The following BRD7 variants were observed in gnomAD, a reference collection of about 807,000 sequenced individuals.
BRD7 encodes the protein bromodomain containing 7.
In BRD7, 15 loss-of-function variants were observed where a neutral mutation model predicts 82.1. That is an observed-to-expected ratio of 0.18 (90% CI 0.12 to 0.28). The LOEUF (loss-of-function observed/expected upper bound fraction) is 0.28, where lower values mean the gene tolerates loss of function less well. BRD7 is among the 10% of genes least tolerant of loss of function. BRD7 has a pLI of 1.00. For synonymous variants in BRD7, 232 were observed against 266.9 expected, an observed-to-expected ratio of 0.87 and a Z score of 1.27; for missense variants, 638 against 779.9, an observed-to-expected ratio of 0.82 and a Z score of 2.17.
intron 1 of BRD7, 110 bp from the exon 2 acceptor site, chr16:50,368,408 G>C (rs573446862): frequency 8.3e-7 from 1 of 1,206,562 alleles, no homozygotes; most frequent in Non-Finnish European, 1.1e-6. Context: ...AGGCGGCTTT[G>C]GGCGCTCCGC....
In BRD7 at chr16:50,321,577, A is replaced by G. The variant is rs796253372; in HGVS notation, c.1500+405T>C. 3.5e-3 allele frequency among the ~76,000 whole-genome samples: 527 copies of G among 150,182 alleles called. 2 individuals are homozygous for G. Among genetic ancestry groups the G allele is most frequent in the African/African-American group, 0.012 (495 of 40,322 alleles). On this transcript the variant is annotated intron_variant, in intron 13 of 16. Transcript: ENST00000394688. ...GCGGGACTCCATCTCAAAAAAAAAAAAAAAAAAAAAAAAAAAAAGATGGAG... is the reference window on the plus strand; with the variant it reads ...GCGGGACTCCATCTCAAAAAAAAAAGAAAAAAAAAAAAAAAAAAGATGGAG...
chr16:50,368,173 T>C lies in BRD7; in HGVS notation c.175A>G (p.Lys59Glu), dbSNP rs140227979. 17 of 1,614,042 alleles carry C rather than the reference T, an allele frequency of 1.1e-5. No individual in the cohort carries two copies. The highest frequency in any genetic ancestry group is 1.3e-5 in the African/African-American group (1 of 74,920). The change falls in exon 2 of 17, where the codon AAG becomes GAG. Residue 59 changes from lysine to glutamate, a missense_variant. Lys to Glu is a moderately conservative substitution (Grantham distance 56). Transcript: ENST00000394688. ...TTTCTCTTTTTCCGCTTTCTGTCCT[T>C]GTGTTTGTCATGATCGTTTTTGTCT... ...FEDKNDHDKH[K>E]DRKRKKRKKG...
At chr16:50,347,023 C>T (rs1378820569) in intron 5 of BRD7, among the ~76,000 whole-genome samples, 6 of 152,322 alleles carry the variant, frequency 3.9e-5, no homozygotes, top group African/African-American at 1.4e-4. Flanking sequence ...AAAATACTGG[C>T]AAACCAAATC....
intron 8 of BRD7, 108 bp downstream of exon 8, chr16:50,333,466 G>C: frequency 7.3e-7 from 1 of 1,369,744 alleles, no homozygotes; most frequent in Non-Finnish European, 1.0e-6. Context: ...TACTGATGAA[G>C]AGCTCTATGG....
At chr16:50,325,707 T>G (rs754016275) in intron 11 of BRD7, 41 bp downstream of exon 11, 1 of 1,538,522 alleles carries the variant, frequency 6.5e-7, no homozygotes, top group African/African-American at 1.4e-5. Context: ...TACTTTAATG[T>G]TTTTAAACAA....
At chr16:50,364,749 T>G (rs1457143082) in intron 2 of BRD7, among the ~76,000 whole-genome samples, 2 of 152,210 alleles carry the variant, frequency 1.3e-5, no homozygotes, top group African/African-American at 2.4e-5. Flanking sequence ...ACTGCAGTAT[T>G]ACATGTAAGA....
intron 9 of BRD7, 53 bp downstream of exon 9, chr16:50,328,616 C>CT: frequency 6.6e-7 from 1 of 1,506,888 alleles, no homozygotes. Flanking sequence ...ACCCAGGTTA[C>CT]TGTTCTCTGC....
chr16:50,334,995 C>A, intron 6 of BRD7, 100 bp from the exon 7 acceptor site: 1 of 1,185,964 alleles, frequency 8.4e-7, no homozygotes, highest in Non-Finnish European at 1.2e-6. Context: ...CTGTCATTAA[C>A]CAGGGAAGAA....
chr16:50,354,942 A>T lies in BRD7; in HGVS notation c.259-20T>A. ...ATCCTCCTAAATGGAACAAAGGGAG[A>T]TAATTTAGAAATATTTCAGAACCAA... On this transcript the variant is annotated intron_variant, in intron 2 of 16. Coordinates refer to ENST00000394688, the MANE Select transcript of BRD7 (RefSeq NM_013263.5). 1 of 1,607,204 alleles carries T rather than the reference A, an allele frequency of 6.2e-7. No individual in the cohort carries two copies. Among genetic ancestry groups the T allele is most frequent in the Non-Finnish European group, 8.5e-7 (1 of 1,177,612 alleles).
intron 6 of BRD7, among the ~76,000 whole-genome samples, chr16:50,338,056 A>G (rs1290513978): frequency 2.0e-5 from 3 of 152,210 alleles, no homozygotes; most frequent in Non-Finnish European, 2.9e-5. Context: ...AAAGGTCATT[A>G]AAAATTAGGC....
intron 2 of BRD7, among the ~76,000 whole-genome samples, chr16:50,364,245 C>T (rs943715248): frequency 2.6e-5 from 4 of 152,126 alleles, no homozygotes; most frequent in Non-Finnish European, 4.4e-5. Context: ...AGAGAAGAGT[C>T]GCCAGTCCCT....
chr16:50,321,856 G>T, intron 13 of BRD7, 126 bp downstream of exon 13: 1 of 795,590 alleles, frequency 1.3e-6, no homozygotes, highest in Non-Finnish European at 2.1e-6. Context: ...ATTTCAGCTA[G>T]GCCCTCACAA....
At chr16:50,350,256 C>A in intron 4 of BRD7, 89 bp from the exon 5 acceptor site, 1 of 941,128 alleles carries the variant, frequency 1.1e-6, no homozygotes, top group Admixed American at 3.7e-5. Context: ...GGAAACCCTT[C>A]AGATGCAGAA....
rs1288742789 is a variant in BRD7 at position 50,368,745 on chromosome 16, C to T, written c.30G>A (p.Ser10=). 7.7e-6 allele frequency: 12 copies of T among 1,555,050 alleles called. No individual in the cohort carries two copies. The highest frequency in any genetic ancestry group is 1.0e-5 in the Non-Finnish European group (12 of 1,152,238). ...CCTCACCCTCGTAGAGGTGTTTGTC[C>T]GACTTGTGCTTCTTGTGCTTCTTGC... MGKKHKKHK[S]DKHLYEEYVE... is the part of the protein sequence containing the mutation. Residue 10 remains serine, a synonymous_variant, in exon 1 of 17, where the codon TCG becomes TCA. Coordinates refer to ENST00000394688, the MANE Select transcript of BRD7 (RefSeq NM_013263.5).
At chr16:50,336,417 G>A (rs1448354897) in intron 6 of BRD7, among the ~76,000 whole-genome samples, 1 of 152,162 alleles carries the variant, frequency 6.6e-6, no homozygotes, top group African/African-American at 2.4e-5. Context: ...GTGTTTGAAA[G>A]TTTCTCTGAA....
chr16:50,368,573 G>T (rs927052862), intron 1 of BRD7, 153 bp downstream of exon 1: 5 of 810,608 alleles, frequency 6.2e-6, no homozygotes, highest in Non-Finnish European at 8.9e-6. Flanking sequence ...CGCACGGGGG[G>T]CAGCGCGGCC....
intron 13 of BRD7, 137 bp downstream of exon 13, chr16:50,321,845 C>T: frequency 1.3e-6 from 1 of 741,752 alleles, no homozygotes; most frequent in Non-Finnish European, 2.3e-6. Flanking sequence ...TATGGTTTGC[C>T]ATTTCAGCTA....
intron 5 of BRD7, among the ~76,000 whole-genome samples, chr16:50,348,716 C>G (rs1160211769): frequency 6.6e-6 from 1 of 152,216 alleles, no homozygotes; most frequent in Non-Finnish European, 1.5e-5. Flanking sequence ...GATACCATCT[C>G]ACACCAGTTA....
intron 8 of BRD7, among the ~76,000 whole-genome samples, chr16:50,330,497 T>G (rs1467753640): frequency 6.6e-6 from 1 of 152,156 alleles, no homozygotes; most frequent in Admixed American, 6.5e-5. Flanking sequence ...ATGTAAATTT[T>G]CTACCTTGTT....
Sources: gnomAD v4.1 joint callset for allele counts (sites outside exome capture counted in the v4.1 genomes callset) on GRCh38, gnomAD v4.1.1 for gene constraint, MANE v1.5 for transcripts, NCBI Gene and HGNC (gene_info 2026-07-23, HGNC 2026-07-21) for gene names.